HRH2: variants seen among roughly 807,000 people sequenced by gnomAD.
HRH2 encodes the protein histamine receptor H2.
In HRH2, 4 loss-of-function variants were observed where a neutral mutation model predicts 20.1. That is an observed-to-expected ratio of 0.20 (90% CI 0.10 to 0.45). The LOEUF is 0.45. Ranked by LOEUF, HRH2 falls within the 20% of genes least tolerant of loss-of-function variation. The pLI is 0.99. For synonymous variants in HRH2, 197 were observed against 200.7 expected (o/e 0.98, Z 0.16); for missense variants, 250 against 461.6 (o/e 0.54, Z 4.20).
chr5:175,672,065 C>CCA (rs138069742), intron 1 of HRH2, among the ~76,000 whole-genome samples: 2 of 151,554 alleles, frequency 1.3e-5, no homozygotes, highest in African/African-American at 2.4e-5. Flanking sequence ...CTTCACCCCT[C>CCA]CACACACACA....
chr5:175,682,641 C>T (rs1438387263), intron 1 of HRH2, 68 bp from the exon 2 acceptor site: 4 of 153,386 alleles, frequency 2.6e-5, no homozygotes, highest in African/African-American at 9.7e-5. Flanking sequence ...TAGAAGGACA[C>T]ATCTTGAATT....
intron 1 of HRH2, among the ~76,000 whole-genome samples, chr5:175,675,802 T>C (rs1384838312): frequency 2.0e-5 from 3 of 152,128 alleles, no homozygotes; most frequent in Admixed American, 6.5e-5. Flanking sequence ...AAACTCTACA[T>C]CTATTAGGTT....
rs1762900493 is a variant in HRH2 at position 175,666,523 on chromosome 5, C to T, written c.-526+8368C>T. On this transcript the variant is annotated intron_variant, in intron 1 of 2. Coordinates refer to ENST00000636584, the MANE Select transcript of HRH2 (RefSeq NM_001367711.1). Reference sequence around the variant, plus strand: ...CTCACAGCAGCCTCGACCTCCCCAGCTCAGGGGATCCTCCTCACCTCAGCC... The same window carrying T: ...CTCACAGCAGCCTCGACCTCCCCAGTTCAGGGGATCCTCCTCACCTCAGCC... 2.0e-5 allele frequency among the ~76,000 whole-genome samples: 3 copies of T among 152,178 alleles called. No individual in the cohort carries two copies. In the South Asian group the frequency reaches 6.2e-4, roughly 31 times the overall value.
intron 2 of HRH2, among the ~76,000 whole-genome samples, chr5:175,699,825 A>G (rs898134309): frequency 2.0e-5 from 3 of 152,164 alleles, no homozygotes; most frequent in East Asian, 1.9e-4. Context: ...CGCCCGCCTC[A>G]GCCTCCCAAA....
chr5:175,687,795 C>A lies in HRH2; in HGVS notation c.1076+3486C>A, dbSNP rs1300903150. ...CTAAATTATGAATCTCAGTGTAGTGCCCCTGCTCAGGACCCTCCTCTGCCT... is the reference window on the plus strand; with the variant it reads ...CTAAATTATGAATCTCAGTGTAGTGACCCTGCTCAGGACCCTCCTCTGCCT... On this transcript the variant is annotated intron_variant, in intron 2 of 2. Coordinates refer to ENST00000636584, the MANE Select transcript of HRH2 (RefSeq NM_001367711.1). This position sits in a 1 kb window ranked among gnomAD's most constrained non-coding sequence, Gnocchi z 5.2. Among the ~76,000 whole-genome samples the A allele has an allele frequency of 1.3e-5, 2 of 152,190 alleles. No individual in the cohort carries two copies. Among genetic ancestry groups the A allele is most frequent in the Non-Finnish European group, 2.9e-5 (2 of 68,042 alleles).
chr5:175,702,726 T>C (rs1448591773), intron 2 of HRH2, among the ~76,000 whole-genome samples: 1 of 127,672 alleles, frequency 7.8e-6, no homozygotes, highest in East Asian at 2.1e-4. Flanking sequence ...TAATTTTTTC[T>C]TTTTTTTTTT....
chr5:175,698,624 C>T (rs1467033669), intron 2 of HRH2, among the ~76,000 whole-genome samples: 1 of 152,206 alleles, frequency 6.6e-6, no homozygotes, highest in African/African-American at 2.4e-5. Flanking sequence ...TCAAAGCCAA[C>T]CCCCTCCGTC....
At position 175,692,592 on chromosome 5, in the gene HRH2, G is replaced by T. The variant is rs371017933; in HGVS notation, c.1076+8283G>T. Among the ~76,000 whole-genome samples, 23 of 152,370 alleles carry T rather than the reference G, an allele frequency of 1.5e-4. No homozygotes were observed. In the East Asian group the frequency reaches 1.7e-3, roughly 12 times the overall value. On this transcript the variant is annotated intron_variant, in intron 2 of 2. Coordinates refer to ENST00000636584, the MANE Select transcript of HRH2 (RefSeq NM_001367711.1). ...CAGAGCAAATGCTTAGTAAGTGGCA[G>T]CCTTTATTTATTTTTTTTCCCCATG...
intron 2 of HRH2, among the ~76,000 whole-genome samples, chr5:175,684,621 AG>A (rs1686057655): frequency 6.6e-6 from 1 of 152,226 alleles, no homozygotes; most frequent in African/African-American, 2.4e-5. Flanking sequence ...CCTTACAATT[AG>A]AAGTCTTATG....
chr5:175,664,900 C>T (rs1042995869), intron 1 of HRH2, among the ~76,000 whole-genome samples: 10 of 152,174 alleles, frequency 6.6e-5, no homozygotes, highest in Non-Finnish European at 1.3e-4. Flanking sequence ...GGCCTCTCAA[C>T]GTGCTGGGAT....
intron 1 of HRH2, among the ~76,000 whole-genome samples, chr5:175,672,158 G>A (rs1755568508): frequency 6.6e-6 from 1 of 152,174 alleles, no homozygotes; most frequent in South Asian, 2.1e-4. Context: ...TATGAAACTT[G>A]CTTGAGGTAA....
At chr5:175,670,471 G>A (rs1444336451) in intron 1 of HRH2, among the ~76,000 whole-genome samples, 1 of 152,202 alleles carries the variant, frequency 6.6e-6, no homozygotes, top group Non-Finnish European at 1.5e-5. Context: ...CATGTTGTTT[G>A]AAGGAAATGA....
Position 175,683,608 on chromosome 5 carries a change from G to T in HRH2, c.375G>T (p.Arg125=), listed in dbSNP as rs572573041. ...ACTGCGCTGTCATGGACCCACTGCG[G>T]TACCCTGTGCTGGTCACCCCAGTTC... The part of the protein sequence containing the change: ...DRYCAVMDPL[R]YPVLVTPVRV... Residue 125 remains arginine, a synonymous_variant, in exon 2 of 3, where the codon CGG becomes CGT. Transcript: ENST00000636584. The T allele has an allele frequency of 1.9e-6, 3 of 1,614,164 alleles. No homozygotes were observed. The highest frequency in any genetic ancestry group is 2.7e-5 in the African/African-American group (2 of 75,018).
chr5:175,684,307 C>A lies in HRH2; in HGVS notation c.1074C>A (p.Asp358Glu). ...TCACGGCCCCCCAGGGAGCCACAGA[C>A]AGGTAATAGCCCTAGCCATTGGTGC... ...TEVTAPQGATDRKPALSCTTC... is the reference protein window; with the variant it reads ...TEVTAPQGATERKPALSCTTC... Residue 358 changes from aspartate to glutamate, a missense_variant and splice_region_variant, in exon 2 of 3, where the codon GAC becomes GAA. Around this residue, in one of 5 missense-constraint regions of HRH2, gnomAD observed 55 missense variants for 66.9 expected, o/e 0.82. Coordinates refer to ENST00000636584, the MANE Select transcript of HRH2 (RefSeq NM_001367711.1). 1 of 1,613,568 alleles carries A rather than the reference C, an allele frequency of 6.2e-7. No individual in the cohort carries two copies. The highest frequency in any genetic ancestry group is 8.5e-7 in the Non-Finnish European group (1 of 1,179,704).
chr5:175,678,067 T>C (rs79922197), intron 1 of HRH2, among the ~76,000 whole-genome samples: 1,782 of 152,308 alleles, frequency 0.012, 29 homozygotes, highest in African/African-American at 0.04. Flanking sequence ...AAGCCTTTCG[T>C]ACCTACACCG....
chr5:175,684,154 G>A lies in HRH2; in HGVS notation c.921G>A (p.Leu307=), dbSNP rs369645240. ...ACCAACAGCTCTTCTGCTGCAGGCT[G>A]GCCAACCGCAACTCCCACAAAACTT... The part of the protein sequence containing the change: ...TGYQQLFCCR[L]ANRNSHKTSL... The change falls in exon 2 of 3, where the codon CTG becomes CTA. Residue 307 remains leucine, a synonymous_variant. Transcript: ENST00000636584. 7 of 1,613,992 alleles carry A rather than the reference G, an allele frequency of 4.3e-6. No individual in the cohort carries two copies. In the African/African-American group the frequency reaches 8.0e-5, roughly 18 times the overall value.
At chr5:175,674,546 G>T (rs1755691506) in intron 1 of HRH2, among the ~76,000 whole-genome samples, 1 of 152,008 alleles carries the variant, frequency 6.6e-6, no homozygotes. Flanking sequence ...ACGTCTCGGG[G>T]GTAGTGAGAC....
At position 175,683,453 on chromosome 5, in the gene HRH2, T is replaced by C; in HGVS notation, c.220T>C (p.Phe74Leu). 6.2e-7 allele frequency: 1 copy of C among 1,614,204 alleles called. No homozygotes were observed. The highest frequency in any genetic ancestry group is 1.1e-5 in the South Asian group (1 of 91,090). The change falls in exon 2 of 3, where the codon TTC becomes CTC. Residue 74 changes from phenylalanine (F) to leucine (L), a missense_variant. Around this residue, in one of 5 missense-constraint regions of HRH2, gnomAD observed 86 missense variants for 176.4 expected, o/e 0.49. Transcript: ENST00000636584. ...DLLLGLLVLP[F>L]SAIYQLSCKW... is the part of the protein sequence containing the mutation. The stretch of plus-strand genomic sequence containing the variant: ...GCTCCTCGGCCTCCTGGTGCTGCCC[T>C]TCTCTGCCATCTACCAGCTGTCCTG...
intron 2 of HRH2, among the ~76,000 whole-genome samples, chr5:175,696,502 TAGAG>T (rs1465907891): frequency 6.6e-6 from 1 of 152,016 alleles, no homozygotes; most frequent in African/African-American, 2.4e-5. Flanking sequence ...TCACATCTGT[TAGAG>T]AGAAGAACAG....
Sources: allele counts gnomAD v4.1 joint callset (sites outside exome capture counted in the v4.1 genomes callset), GRCh38; gene constraint gnomAD v4.1.1; regional missense constraint gnomAD v4.1.1; non-coding constraint Gnocchi (gnomAD v3.1); transcripts MANE v1.5; gene names NCBI Gene and HGNC (gene_info 2026-07-23, HGNC 2026-07-21).